CSMD1: variants seen among roughly 807,000 people sequenced by gnomAD.
CSMD1 encodes the protein CUB and sushi domain-containing protein 1.
CSMD1 carries 213 observed loss-of-function variants against 417.5 expected under a neutral mutation model. The observed-to-expected ratio is 0.51, with a 90% CI of 0.46 to 0.57. The LOEUF is 0.57. Among genes scored for constraint, CSMD1 ranks in the 20% least tolerant of loss-of-function variants. CSMD1 has a pLI of 0.00. For missense variants in CSMD1, 6,923 were observed against 4,529.7 expected (o/e 1.53, Z -15.17); for synonymous variants, 2,862 against 1,736.8 (o/e 1.65, Z -16.11).
intron 6 of CSMD1, among the ~76,000 whole-genome samples, chr8:3,713,649 G>C (rs536541165): frequency 2.4e-4 from 37 of 152,294 alleles, no homozygotes; most frequent in Middle Eastern, 3.4e-3. Context: ...CTGTCTGAAA[G>C]AAGCTTTACC....
chr8:3,573,191 GA>G (rs1478069183), intron 10 of CSMD1, among the ~76,000 whole-genome samples: 1 of 152,036 alleles, frequency 6.6e-6, no homozygotes, highest in Admixed American at 6.5e-5. Flanking sequence ...GCAACATGTG[GA>G]TTTATCTGTT....
At chr8:3,340,943 C>T (rs1255181533) in intron 23 of CSMD1, among the ~76,000 whole-genome samples, 1 of 152,164 alleles carries the variant, frequency 6.6e-6, no homozygotes, top group Non-Finnish European at 1.5e-5. Flanking sequence ...AGTGCCAATC[C>T]TCTCCAATAT....
intron 1 of CSMD1, among the ~76,000 whole-genome samples, chr8:4,741,606 C>A (rs1585027745): frequency 6.6e-6 from 1 of 152,054 alleles, no homozygotes; most frequent in East Asian, 1.9e-4. Flanking sequence ...GACAACAGGA[C>A]CTTTGAGGAA....
chr8:4,644,417 T>G (rs1255860220), intron 1 of CSMD1, among the ~76,000 whole-genome samples: 13 of 14,470 alleles, frequency 9.0e-4, no homozygotes, highest in Middle Eastern at 0.17. Flanking sequence ...CTTTGCCCTA[T>G]TTTTTTTTGA....
intron 21 of CSMD1, among the ~76,000 whole-genome samples, chr8:3,351,910 C>A (rs1437578907): frequency 1.3e-5 from 2 of 151,920 alleles, no homozygotes; most frequent in Non-Finnish European, 2.9e-5. Context: ...ATGACTTTTA[C>A]ATCTTTTCTC....
chr8:3,309,258 T>G (rs984773940), intron 23 of CSMD1, among the ~76,000 whole-genome samples: 3 of 152,058 alleles, frequency 2.0e-5, no homozygotes, highest in Non-Finnish European at 4.4e-5. Flanking sequence ...TCCAGCCCAT[T>G]GTCAAGACCC....
chr8:3,680,556 AC>A (rs1286987377), intron 7 of CSMD1, among the ~76,000 whole-genome samples: 1 of 152,342 alleles, frequency 6.6e-6, no homozygotes, highest in Admixed American at 6.5e-5. Context: ...TAGCTTACCA[AC>A]CAAAAAAAGT....
chr8:4,905,463 A>C (rs1805181251), intron 1 of CSMD1, among the ~76,000 whole-genome samples: 1 of 152,154 alleles, frequency 6.6e-6, no homozygotes, highest in African/African-American at 2.4e-5. Flanking sequence ...TTTCTGCTTT[A>C]GGCATTCTAA....
chr8:3,567,474 T>TA (rs1426149281), intron 10 of CSMD1, among the ~76,000 whole-genome samples: 3 of 67,120 alleles, frequency 4.5e-5, no homozygotes, highest in African/African-American at 1.2e-4. Flanking sequence ...AAAAAGTAAA[T>TA]AAAAAACAAC....
chr8:2,978,923 G>A (rs747085136), intron 54 of CSMD1, 123 bp from the exon 55 acceptor site: 10 of 807,392 alleles, frequency 1.2e-5, no homozygotes, highest in Non-Finnish European at 1.7e-5. Flanking sequence ...CATGATGGCT[G>A]AGGCTCATGA....
Position 4,994,458 on chromosome 8 carries a change from C to G in CSMD1, c.-42G>C. The G allele has an allele frequency of 6.4e-7, 1 of 1,556,870 alleles. No homozygotes were observed. The highest frequency in any genetic ancestry group is 8.8e-7 in the Non-Finnish European group (1 of 1,134,604). On this transcript the variant is annotated 5_prime_UTR_variant, in exon 1 of 70. Transcript: ENST00000635120. Reference sequence around the variant, plus strand: ...CACGCACGCGACACCGATGGCTCCTCCGAGGAAGGCAGGGCTATGAGCGGA... The same window carrying G: ...CACGCACGCGACACCGATGGCTCCTGCGAGGAAGGCAGGGCTATGAGCGGA...
At chr8:4,293,139 C>T (rs143871236) in intron 3 of CSMD1, among the ~76,000 whole-genome samples, 474 of 152,232 alleles carry the variant, frequency 3.1e-3, no homozygotes, top group African/African-American at 0.011. Flanking sequence ...CAGTTTTGTC[C>T]CGCACCTGCC....
At chr8:3,018,694 G>C in intron 51 of CSMD1, 44 bp from the exon 52 acceptor site, 1 of 1,536,474 alleles carries the variant, frequency 6.5e-7, no homozygotes. Flanking sequence ...CAGTTATGCA[G>C]ATTACTCCTG....
intron 18 of CSMD1, among the ~76,000 whole-genome samples, chr8:3,371,895 C>G (rs1432869868): frequency 1.3e-5 from 2 of 152,194 alleles, no homozygotes; most frequent in Admixed American, 1.3e-4. Flanking sequence ...CATTATACAT[C>G]CCACTTGAAA....
rs1223384559 is a variant in CSMD1, at chr8:4,267,229, G to C, written c.415+152724C>G. 2.9e-5 allele frequency among the ~76,000 whole-genome samples: 3 copies of C among 103,628 alleles called. 1 individual carries two copies. In the East Asian group the frequency reaches 7.7e-4, roughly 27 times the overall value. 68.0% of individuals were successfully genotyped at this position (103,628 alleles called of 152,430 possible). On this transcript the variant is annotated intron_variant, in intron 3 of 69. Coordinates refer to ENST00000635120, the MANE Select transcript of CSMD1 (RefSeq NM_033225.6). Reference sequence around the variant, plus strand: ...GAATCCATTAACAACAGTTATTAAAGAAAAGTGAGTTCAATGAAGTTGCTA... The same window carrying C: ...GAATCCATTAACAACAGTTATTAAACAAAAGTGAGTTCAATGAAGTTGCTA...
intron 2 of CSMD1, among the ~76,000 whole-genome samples, chr8:4,434,855 G>C (rs148584971): frequency 1.3e-5 from 2 of 152,134 alleles, no homozygotes; most frequent in Non-Finnish European, 2.9e-5. Flanking sequence ...CTGGGCAACC[G>C]CAAGAACAAA....
chr8:4,456,974 TGG>T (rs1491067106), intron 2 of CSMD1, among the ~76,000 whole-genome samples: 13 of 71,400 alleles, frequency 1.8e-4, no homozygotes, highest in African/African-American at 3.9e-4. Context: ...TTGATGAGTG[TGG>T]TTTTTTTTTA....
chr8:4,167,545 G>C (rs908343291), intron 3 of CSMD1, among the ~76,000 whole-genome samples: 9 of 152,130 alleles, frequency 5.9e-5, no homozygotes, highest in African/African-American at 1.7e-4. Flanking sequence ...ATAAAATCTT[G>C]CTTGTTGCAG....
At chr8:4,310,031 T>C in intron 3 of CSMD1, among the ~76,000 whole-genome samples, 1 of 152,148 alleles carries the variant, frequency 6.6e-6, no homozygotes, top group East Asian at 1.9e-4. Context: ...TGAAAAGCCT[T>C]AGAAGACAGA....
Sources: gnomAD v4.1 joint callset for allele counts (sites outside exome capture counted in the v4.1 genomes callset) on GRCh38, gnomAD v4.1.1 for gene constraint, MANE v1.5 for transcripts, NCBI Gene and HGNC (gene_info 2026-07-23, HGNC 2026-07-21) for gene names.